The following GRK5 variants were observed in gnomAD, a reference collection of about 807,000 sequenced individuals.
GRK5 encodes the protein g protein-coupled receptor kinase GRK5.
A neutral mutation model predicts 78.4 loss-of-function variants in GRK5; 40 were observed. The observed-to-expected ratio is 0.51, with a 90% CI of 0.40 to 0.66. The LOEUF is 0.66. Ranked by LOEUF, GRK5 falls within the 30% of genes least tolerant of loss-of-function variation. GRK5 has a pLI of 0.00. For missense variants in GRK5, 598 were observed against 759.9 expected (o/e 0.79, Z 2.50); for synonymous variants, 289 against 296.8 (o/e 0.97, Z 0.27).
intron 1 of GRK5, among the ~76,000 whole-genome samples, chr10:119,319,429 G>GC (rs1377931720): frequency 6.6e-6 from 1 of 152,234 alleles, no homozygotes; most frequent in African/African-American, 2.4e-5. Context: ...CAGAGCGGGA[G>GC]CCCCCCTGAT....
chr10:119,212,071 A>G lies in GRK5; in HGVS notation c.52+4102A>G, dbSNP rs116523361. ...TTTAATGTTAATCTTACCAAGCGAC[A>G]GCTTTCATCCTGGTTAAGGCAGCTC... On this transcript the variant is annotated intron_variant, in intron 1 of 15. Transcript: ENST00000392870. Among the ~76,000 whole-genome samples the G allele has an allele frequency of 7.9e-3, 1,202 of 152,260 alleles. 11 individuals are homozygous for G. The highest frequency in any genetic ancestry group is 0.021 in the African/African-American group (867 of 41,526).
rs530814073 is a variant in GRK5, at chr10:119,213,721, G to C, written c.52+5752G>C. On this transcript the variant is annotated intron_variant, in intron 1 of 15. Coordinates refer to ENST00000392870, the MANE Select transcript of GRK5 (RefSeq NM_005308.3). ...AGAAGCATTTCATTTTGTGAAAACT[G>C]TGCTGCTTTTAAAAGAGAAAGTCCT... 1.2e-4 allele frequency among the ~76,000 whole-genome samples: 18 copies of C among 152,194 alleles called. No homozygotes were observed. In the South Asian group the frequency reaches 3.1e-3, roughly 26 times the overall value.
chr10:119,225,682 T>G (rs1410935742), intron 1 of GRK5, among the ~76,000 whole-genome samples: 1 of 150,760 alleles, frequency 6.6e-6, no homozygotes, highest in Non-Finnish European at 1.5e-5. Context: ...TTTTTTTTTT[T>G]TTTTTTGAGA....
intron 2 of GRK5, chr10:119,333,568 A>T: frequency 2.9e-6 from 1 of 347,532 alleles, no homozygotes; most frequent in South Asian, 2.2e-5. Context: ...GTCTGGAGTG[A>T]CACCTTGCAA....
At position 119,378,014 on chromosome 10, in the gene GRK5, CAGGTGCAG is replaced by C. The variant is rs1851651557; in HGVS notation, c.149-2800_149-2793del. 3.2e-5 allele frequency: 5 copies of C among 154,550 alleles called. No homozygotes were observed. The South Asian group carries it at 1.0e-3, about 31-fold the overall frequency. The allele number at this position is 154,550 out of a possible 1,614,324, so 9.6% of individuals were successfully genotyped here. A position where few individuals can be genotyped will look rare whatever the true frequency, so the allele number is the denominator to read the frequency against. On this transcript the variant is annotated intron_variant, in intron 2 of 15. Transcript: ENST00000392870. The surrounding 1 kb of genome is among the most constrained non-coding windows in gnomAD (Gnocchi z 4.5). ...CTGTATCTGCAGGGCATTGTGCTAA[CAGGTGCAG>C]GCTGCAGACCTGTCACAGGCCGCTG...
intron 15 of GRK5, among the ~76,000 whole-genome samples, chr10:119,454,271 G>T (rs925851229): frequency 6.6e-6 from 1 of 152,160 alleles, no homozygotes; most frequent in Non-Finnish European, 1.5e-5. Context: ...TCACAGACCC[G>T]GGTTCAAACC....
intron 4 of GRK5, among the ~76,000 whole-genome samples, chr10:119,414,235 C>T (rs1182485813): frequency 6.6e-6 from 1 of 152,210 alleles, no homozygotes; most frequent in Admixed American, 6.5e-5. Context: ...ATCATTAAGC[C>T]CTAAGTGCTT....
chr10:119,407,683 C>G (rs1330310057), intron 4 of GRK5, among the ~76,000 whole-genome samples: 2 of 152,214 alleles, frequency 1.3e-5, no homozygotes, highest in Non-Finnish European at 2.9e-5. Flanking sequence ...CCTTGTTTTA[C>G]CCAGGCAGTC....
At chr10:119,235,232 A>G (rs1848905207) in intron 1 of GRK5, among the ~76,000 whole-genome samples, 1 of 151,666 alleles carries the variant, frequency 6.6e-6, no homozygotes, top group Non-Finnish European at 1.5e-5. Flanking sequence ...GGCTTTCATC[A>G]GTGGTGATGT....
chr10:119,274,871 A>G (rs1452725659), intron 1 of GRK5, among the ~76,000 whole-genome samples: 2 of 152,150 alleles, frequency 1.3e-5, no homozygotes, highest in African/African-American at 4.8e-5. Flanking sequence ...TGTGGCCTGT[A>G]AGTACCTATT....
intron 3 of GRK5, among the ~76,000 whole-genome samples, chr10:119,393,450 T>C (rs887167764): frequency 6.6e-6 from 1 of 152,230 alleles, no homozygotes; most frequent in Non-Finnish European, 1.5e-5. Flanking sequence ...GCCCCAGGCC[T>C]CCATTTGGTT....
chr10:119,301,099 G>C (rs1387365448), intron 1 of GRK5, among the ~76,000 whole-genome samples: 1 of 151,454 alleles, frequency 6.6e-6, no homozygotes, highest in African/African-American at 2.4e-5. Context: ...GGGAGACTCA[G>C]TCCCAAAAGA....
At chr10:119,283,218 A>G (rs1235767054) in intron 1 of GRK5, among the ~76,000 whole-genome samples, 4 of 152,148 alleles carry the variant, frequency 2.6e-5, no homozygotes, top group Non-Finnish European at 5.9e-5. Context: ...TCTAGTCACA[A>G]GGTAATGCTA....
rs1442695570 is a variant in GRK5 at position 119,457,765 on chromosome 10, C to G, written c.*2698C>G. On this transcript the variant is annotated 3_prime_UTR_variant, in exon 16 of 16. Coordinates refer to ENST00000392870, the MANE Select transcript of GRK5 (RefSeq NM_005308.3). ...GCAGTGGCATGATTCTGGCTCACTG[C>G]AGCCTCAAACTCCTGAGTCCAAGCT... The G allele has an allele frequency of 6.7e-6, 1 of 150,276 alleles. No individual in the cohort carries two copies. The highest frequency in any genetic ancestry group is 6.6e-5 in the Admixed American group (1 of 15,068). The allele number at this position is 150,276 out of a possible 1,614,324, so 9.3% of individuals were successfully genotyped here.
In GRK5 at chr10:119,231,286, A is replaced by T. The variant is rs545328637; in HGVS notation, c.52+23317A>T. 3.3e-5 allele frequency among the ~76,000 whole-genome samples: 5 copies of T among 152,314 alleles called. No individual in the cohort carries two copies. The South Asian group carries it at 1.0e-3, about 32-fold the overall frequency. On this transcript the variant is annotated intron_variant, in intron 1 of 15. Coordinates refer to ENST00000392870, the MANE Select transcript of GRK5 (RefSeq NM_005308.3). Reference sequence around the variant, plus strand: ...CTGGACAGACATTTCTCAAAAGAAGACATACACACCACTAAAGAACTTACT... The same window carrying T: ...CTGGACAGACATTTCTCAAAAGAAGTCATACACACCACTAAAGAACTTACT...
At chr10:119,324,431 G>A (rs183796361) in intron 1 of GRK5, among the ~76,000 whole-genome samples, 6 of 152,140 alleles carry the variant, frequency 3.9e-5, no homozygotes, top group African/African-American at 1.2e-4. Flanking sequence ...GTTTGAGACC[G>A]GCCTGGCCAA....
chr10:119,438,968 G>T (rs1399215491), intron 9 of GRK5, among the ~76,000 whole-genome samples: 1 of 152,250 alleles, frequency 6.6e-6, no homozygotes, highest in African/African-American at 2.4e-5. Flanking sequence ...AAGCTGGGTG[G>T]TTGAGAACTG....
At chr10:119,408,267 G>T (rs1190038092) in intron 4 of GRK5, among the ~76,000 whole-genome samples, 5 of 139,954 alleles carry the variant, frequency 3.6e-5, no homozygotes, top group African/African-American at 1.3e-4. Context: ...CTGAGCTCTG[G>T]AGTTCAAGGC....
chr10:119,406,024 C>T (rs186544530), intron 4 of GRK5, among the ~76,000 whole-genome samples: 231 of 152,284 alleles, frequency 1.5e-3, no homozygotes, highest in African/African-American at 5.1e-3. Context: ...AGGTTCTGAG[C>T]CTGAAGGCTT....
Sources: allele counts gnomAD v4.1 joint callset (sites outside exome capture counted in the v4.1 genomes callset), GRCh38; gene constraint gnomAD v4.1.1; non-coding constraint Gnocchi (gnomAD v3.1); transcripts MANE v1.5; gene names NCBI Gene and HGNC (gene_info 2026-07-23, HGNC 2026-07-21).